Variants in NLRP2 observed in about 807,000 individuals in gnomAD.
NLRP2 encodes NLR family pyrin domain containing 2.
NLRP2 carries 107 observed loss-of-function variants against 97.2 expected under a neutral mutation model. The ratio of observed to expected loss-of-function variants is 1.10; its 90% CI spans 0.94 to 1.29. The LOEUF is 1.29. NLRP2 is among the 50% of genes most tolerant of loss of function. The pLI, the probability that NLRP2 is intolerant of heterozygous loss-of-function variation, is 0.00. For synonymous variants in NLRP2, 663 were observed against 551.5 expected (o/e 1.20, Z -2.83); for missense variants, 1,495 against 1,330.3 (o/e 1.12, Z -1.93).
rs1300190908 is a variant in NLRP2, at chr19:54,982,677, T to C, written c.979T>C (p.Leu327=). 1 of 1,614,042 alleles carries C rather than the reference T, an allele frequency of 6.2e-7. No homozygotes were observed. The highest frequency in any genetic ancestry group is 8.5e-7 in the Non-Finnish European group (1 of 1,179,974). ...GGGGAGTTTGCTGAACAGGGTGATGTTACCCAAGGCCGCCCTGCTGGTCAC... is the reference window on the plus strand; with the variant it reads ...GGGGAGTTTGCTGAACAGGGTGATGCTACCCAAGGCCGCCCTGCTGGTCAC... ...LLGSLLNRVM[L]PKAALLVTTR... Residue 327 remains leucine (L), a synonymous_variant, in exon 6 of 13, where the codon TTA becomes CTA. Transcript: ENST00000448584.
At chr19:54,998,611 C>CTTTTTTTTTTTTTTTTTTTTCT (rs375510249) in intron 12 of NLRP2, among the ~76,000 whole-genome samples, 1 of 42,198 alleles carries the variant, frequency 2.4e-5, no homozygotes, top group Non-Finnish European at 4.6e-5. Context: ...CATCTTTTTT[C>CTTTTTTTTTTTTTTTTTTTTCT]TTTTTTTTTT....
chr19:54,989,371 C>T (rs1157053777), intron 8 of NLRP2, among the ~76,000 whole-genome samples: 1 of 152,140 alleles, frequency 6.6e-6, no homozygotes, highest in Non-Finnish European at 1.5e-5. Flanking sequence ...ACTCAGGAGG[C>T]TGAGGCGGGA....
intron 3 of NLRP2, chr19:54,976,949 G>A (rs1335515654): frequency 2.7e-6 from 1 of 375,824 alleles, no homozygotes; most frequent in Non-Finnish European, 5.1e-6. Flanking sequence ...CAAGTAGCTG[G>A]GACTTACAGG....
intron 8 of NLRP2, among the ~76,000 whole-genome samples, chr19:54,987,333 C>G (rs1342354980): frequency 2.0e-5 from 3 of 152,170 alleles, no homozygotes; most frequent in Non-Finnish European, 4.4e-5. Context: ...TCTGTTAGTC[C>G]TCTGGTTTGA....
chr19:54,999,582 C>T (rs1042061291), intron 12 of NLRP2, among the ~76,000 whole-genome samples: 4 of 152,086 alleles, frequency 2.6e-5, no homozygotes, highest in Non-Finnish European at 4.4e-5. Flanking sequence ...GTATGATAAT[C>T]AACAAGCATC....
chr19:55,000,873 C>T lies in NLRP2; in HGVS notation c.3164C>T (p.Pro1055Leu). ...AAACATCATCCCTGGGCAGAAAGGC[C>T]TTCTTCTCATGACTTCATGATCTGA... ...TEKHHPWAERPSSHDFMI is the reference protein window; with the variant it reads ...TEKHHPWAERLSSHDFMI Residue 1055 changes from proline to leucine, a missense_variant, in exon 13 of 13, where the codon CCT (proline) becomes CTT (leucine). Physicochemically the swap from Pro to Leu is moderately conservative, Grantham distance 98. Transcript: ENST00000448584. 6.2e-7 allele frequency: 1 copy of T among 1,613,466 alleles called. No homozygotes were observed. The highest frequency in any genetic ancestry group is 2.2e-5 in the East Asian group (1 of 44,856).
rs1043678 is a variant in NLRP2 at position 55,000,948 on chromosome 19, T to G, written c.*50T>G. 628,378 of 1,586,440 alleles carry G rather than the reference T, an allele frequency of 0.4. 126,632 individuals carry two copies. The highest frequency in any genetic ancestry group is 0.44 in the Middle Eastern group (2,649 of 5,978). On this transcript the variant is annotated 3_prime_UTR_variant, in exon 13 of 13. Transcript: ENST00000448584. Reference sequence around the variant, plus strand: ...ATGAAGTCATCGATTTTCCAGGTGTTGGTGAACTGCCTGTGACTCCTCTCC... The same window carrying G: ...ATGAAGTCATCGATTTTCCAGGTGTGGGTGAACTGCCTGTGACTCCTCTCC...
intron 8 of NLRP2, among the ~76,000 whole-genome samples, chr19:54,989,230 A>G (rs1421790179): frequency 1.3e-5 from 2 of 150,752 alleles, no homozygotes; most frequent in Non-Finnish European, 3.0e-5. Context: ...TGCTGGGATT[A>G]CAGGCATGAG....
chr19:54,973,841 C>T (rs556483955), intron 2 of NLRP2: 11 of 625,704 alleles, frequency 1.8e-5, no homozygotes, highest in African/African-American at 3.7e-5. Flanking sequence ...TGAAACCCGC[C>T]GGACTTTCTG....
chr19:54,994,134 A>G, intron 10 of NLRP2, 135 bp from the exon 11 acceptor site: 2 of 966,426 alleles, frequency 2.1e-6, no homozygotes, highest in East Asian at 2.4e-5. Flanking sequence ...TGTCCACCAC[A>G]CCACCCCATG....
intron 1 of NLRP2, among the ~76,000 whole-genome samples, chr19:54,966,878 G>A (rs1388461017): frequency 9.4e-6 from 1 of 106,710 alleles, no homozygotes; most frequent in African/African-American, 3.7e-5. Context: ...GTCTTACTCT[G>A]TTTCCCAGGC....
rs775904 is a variant in NLRP2, at chr19:54,986,745, C to T, written c.2366+430C>T. 4.4e-3 allele frequency among the ~76,000 whole-genome samples: 666 copies of T among 152,034 alleles called. 2 individuals are homozygous for T. Among genetic ancestry groups the T allele is most frequent in the African/African-American group, 0.015 (639 of 41,496 alleles). On this transcript the variant is annotated intron_variant, in intron 8 of 12. Transcript: ENST00000448584. ...TTTGTGCATTTAGTGGAGCTGGTTT[C>T]GCCACATTGCCAGGCTGGTCTCGAA...
rs1602467963 is a variant in NLRP2 at position 55,001,051 on chromosome 19, A to G, written c.*153A>G. 1.5e-6 allele frequency: 1 copy of G among 665,798 alleles called. No homozygotes were observed. Among genetic ancestry groups the G allele is most frequent in the East Asian group, 2.6e-5 (1 of 37,792 alleles). 41.2% of individuals were successfully genotyped at this position (665,798 alleles called of 1,614,324 possible). A position where few individuals can be genotyped will look rare whatever the true frequency, so the allele number is the denominator to read the frequency against. On this transcript the variant is annotated 3_prime_UTR_variant, in exon 13 of 13. Coordinates refer to ENST00000448584, the MANE Select transcript of NLRP2 (RefSeq NM_017852.5). ...TTAGCCATGATTCTGCCTCTGTTTT[A>G]TACCTGCACACATCCTTATCTTTGT...
rs146949096 is a variant in NLRP2, at chr19:54,998,234, G to A, written c.3050+747G>A. On this transcript the variant is annotated intron_variant, in intron 12 of 12. Transcript: ENST00000448584. ...GGGTTTTGCCATGTTGGCCAGGGTG[G>A]TCTCAAACTCCTGACCTCCGTGATT... is the stretch of plus-strand genomic sequence containing the variant. Among the ~76,000 whole-genome samples, 699 of 151,724 alleles carry A rather than the reference G, an allele frequency of 4.6e-3. 6 individuals are homozygous for A. Among genetic ancestry groups the A allele is most frequent in the African/African-American group, 0.016 (647 of 41,376 alleles).
Position 54,974,523 on chromosome 19 carries a change from A to G in NLRP2, c.304A>G (p.Lys102Glu), listed in dbSNP as rs770791551. 1 of 1,610,826 alleles carries G rather than the reference A, an allele frequency of 6.2e-7. No homozygotes were observed. The highest frequency in any genetic ancestry group is 8.5e-7 in the Non-Finnish European group (1 of 1,177,038). The change falls in exon 3 of 13, where the codon AAA (lysine) becomes GAA (glutamate). Residue 102 changes from lysine (K) to glutamate (E), a missense_variant. Coordinates refer to ENST00000448584, the MANE Select transcript of NLRP2 (RefSeq NM_017852.5). The part of the protein sequence containing the change: ...VREAALKSFN[K>E]RKPLSLGITR... The stretch of plus-strand genomic sequence containing the variant: ...AGAAGCAGCTTTGAAATCCTTTAAT[A>G]AAAGGAAGCCTCTATCATTAGGTAA...
Position 54,997,305 on chromosome 19 carries a change from G to A in NLRP2, c.2880-12G>A, listed in dbSNP as rs1237045128. On this transcript the variant is annotated splice_polypyrimidine_tract_variant and intron_variant, in intron 11 of 12. Coordinates refer to ENST00000448584, the MANE Select transcript of NLRP2 (RefSeq NM_017852.5). ...TGGCTGCATTAACGTGTTGATTTCTGTGTTTCCCCAGGTTGTGGGGATGTT... is the reference window on the plus strand; with the variant it reads ...TGGCTGCATTAACGTGTTGATTTCTATGTTTCCCCAGGTTGTGGGGATGTT... The A allele has an allele frequency of 6.2e-7, 1 of 1,613,070 alleles. No homozygotes were observed. The highest frequency in any genetic ancestry group is 1.1e-5 in the South Asian group (1 of 91,018).
Position 54,983,061 on chromosome 19 carries a change from G to T in NLRP2, c.1363G>T (p.Ala455Ser), listed in dbSNP as rs200762489. 11 of 1,612,100 alleles carry T rather than the reference G, an allele frequency of 6.8e-6. No individual in the cohort carries two copies. The highest frequency in any genetic ancestry group is 9.3e-6 in the Non-Finnish European group (11 of 1,179,570). The change falls in exon 6 of 13, where the codon GCG (alanine) becomes TCG (serine). Residue 455 changes from alanine to serine, a missense_variant. Physicochemically the swap from Ala to Ser is moderately conservative, Grantham distance 99. Transcript: ENST00000448584. The part of the protein sequence containing the change: ...GALRTLSLLA[A>S]QGLWAQTSVL... ...GCTGCGGACGCTGAGCCTCCTGGCC[G>T]CGCAGGGCCTGTGGGCGCAGACGTC...
chr19:54,973,669 C>G (rs560597638), intron 2 of NLRP2: 1 of 371,812 alleles, frequency 2.7e-6, no homozygotes, highest in Admixed American at 3.5e-5. Context: ...CAACCATGCC[C>G]GGCCAAGGGT....
intron 2 of NLRP2, among the ~76,000 whole-genome samples, chr19:54,970,770 C>CTTTTTTTTTTTTTTTTTTGTTCTTTTTTT (rs34406686): frequency 1.8e-5 from 2 of 108,470 alleles, no homozygotes; most frequent in East Asian, 2.9e-4. Context: ...CTACCTACTT[C>CTTTTTTTTTTTTTTTTTTGTTCTTTTTTT]TTTTTTTTTT....
Sources: gnomAD v4.1 joint callset for allele counts (sites outside exome capture counted in the v4.1 genomes callset) on GRCh38, gnomAD v4.1.1 for gene constraint, MANE v1.5 for transcripts, NCBI Gene and HGNC (gene_info 2026-07-23, HGNC 2026-07-21) for gene names.